The following C6 variants were observed in gnomAD, a reference collection of about 807,000 sequenced individuals.
C6 encodes the protein complement component C6.
In C6, 101 loss-of-function variants were observed where a neutral mutation model predicts 112.9. The observed-to-expected ratio is 0.89, with a 90% CI of 0.76 to 1.06. The LOEUF is 1.06. Among genes scored for constraint, C6 ranks in the 50% least tolerant of loss-of-function variants. C6 has a pLI of 0.00. For missense variants in C6, 1,202 were observed against 1,104.6 expected (o/e 1.09, Z -1.25); for synonymous variants, 431 against 384.1 (o/e 1.12, Z -1.43).
upstream of C6, chr5:41,213,597 C>T (rs1752074181): frequency 1.1e-5 from 11 of 977,044 alleles, no homozygotes; most frequent in South Asian, 4.7e-4. Flanking sequence ...AATGATTACA[C>T]CAATCAGTAG....
At chr5:41,158,848 T>C (rs1392912991) in intron 12 of C6, 63 bp from the exon 13 acceptor site, 6 of 1,049,172 alleles carry the variant, frequency 5.7e-6, no homozygotes, top group Non-Finnish European at 9.0e-6. Context: ...CATGTGTGTA[T>C]ATGCTTATGT....
intron 1 of C6, among the ~76,000 whole-genome samples, chr5:41,248,007 G>A (rs1741126754): frequency 2.6e-5 from 4 of 152,226 alleles, no homozygotes; most frequent in Middle Eastern, 6.8e-3. Flanking sequence ...ACAGAACAGA[G>A]AACCCAGCTT....
At chr5:41,241,542 C>T (rs762925766) in intron 1 of C6, among the ~76,000 whole-genome samples, 5 of 152,012 alleles carry the variant, frequency 3.3e-5, no homozygotes, top group African/African-American at 4.8e-5. Context: ...TCAGAATGGA[C>T]CACAAGCAGC....
At chr5:41,144,546 C>T (rs1745635773) in intron 17 of C6, among the ~76,000 whole-genome samples, 1 of 152,136 alleles carries the variant, frequency 6.6e-6, no homozygotes, top group African/African-American at 2.4e-5. Context: ...GGATTACAGG[C>T]GTGGACCACA....
chr5:41,161,812 C>T lies in C6; in HGVS notation c.1339G>A (p.Gly447Arg), dbSNP rs1282235295. The T allele has an allele frequency of 1.9e-6, 3 of 1,613,668 alleles. No homozygotes were observed. The highest frequency in any genetic ancestry group is 1.3e-5 in the African/African-American group (1 of 75,028). ...AAAGCTGCTCCATATTCACTCCTTC[C>T]ACCTCGAATCAGGGATATGGATTTC... The part of the protein sequence containing the change: ...AEKSISLIRG[G>R]RSEYGAALAW... The change falls in exon 10 of 18, where the codon GGA (glycine) becomes AGA (arginine). Residue 447 changes from glycine to arginine, a missense_variant. Gly to Arg is a moderately radical substitution (Grantham distance 125). Transcript: ENST00000337836.
At chr5:41,228,093 T>C (rs1287570813) in intron 1 of C6, among the ~76,000 whole-genome samples, 1 of 152,140 alleles carries the variant, frequency 6.6e-6, no homozygotes, top group Non-Finnish European at 1.5e-5. Flanking sequence ...ATTCTTCCAA[T>C]TTATAACATG....
intron 17 of C6, among the ~76,000 whole-genome samples, chr5:41,144,345 G>T (rs1745615167): frequency 6.6e-6 from 1 of 151,910 alleles, no homozygotes; most frequent in Non-Finnish European, 1.5e-5. Context: ...ATGGCTCACT[G>T]CACCCTCGAA....
chr5:41,172,998 A>G (rs1748555057), intron 8 of C6, among the ~76,000 whole-genome samples: 2 of 152,064 alleles, frequency 1.3e-5, no homozygotes, highest in African/African-American at 4.8e-5. Context: ...TTCCTGACCT[A>G]TGAATTATTT....
At chr5:41,253,401 C>T (rs145564323) in intron 1 of C6, among the ~76,000 whole-genome samples, 1 of 152,134 alleles carries the variant, frequency 6.6e-6, no homozygotes, top group African/African-American at 2.4e-5. Context: ...CTGTGTAGCT[C>T]TCTCCTTTTT....
chr5:41,178,036 G>C (rs554428546), intron 7 of C6, among the ~76,000 whole-genome samples: 260 of 152,114 alleles, frequency 1.7e-3, no homozygotes, highest in African/African-American at 6.2e-3. Flanking sequence ...TCTCAGTCGT[G>C]GAAAATACAA....
chr5:41,148,280 G>A (rs1380698843), intron 17 of C6, among the ~76,000 whole-genome samples: 1 of 152,108 alleles, frequency 6.6e-6, no homozygotes, highest in African/African-American at 2.4e-5. Context: ...GAATTATGTG[G>A]CCGAATAATA....
intron 1 of C6, among the ~76,000 whole-genome samples, chr5:41,204,873 G>A (rs757997241): frequency 2.0e-4 from 30 of 152,004 alleles, no homozygotes; most frequent in South Asian, 6.2e-4. Context: ...GTTTCACTGC[G>A]TTAGCCAGGG....
chr5:41,142,758 C>T lies in C6; in HGVS notation c.*67G>A, dbSNP rs1745463895. ...AGTCTGCTGTTTGTGCAAGAATTCT[C>T]ATTTGTAGGAGTTGGTTCTTCGGGA... is the stretch of plus-strand genomic sequence containing the variant. On this transcript the variant is annotated 3_prime_UTR_variant, in exon 18 of 18. Coordinates refer to ENST00000337836, the MANE Select transcript of C6 (RefSeq NM_000065.5). 8.1e-7 allele frequency: 1 copy of T among 1,240,534 alleles called. No individual in the cohort carries two copies. The highest frequency in any genetic ancestry group is 1.2e-6 in the Non-Finnish European group (1 of 840,924). 76.8% of individuals were successfully genotyped at this position (1,240,534 alleles called of 1,614,324 possible).
At chr5:41,239,111 CTTTTT>C in intron 1 of C6, among the ~76,000 whole-genome samples, 1 of 121,640 alleles carries the variant, frequency 8.2e-6, no homozygotes, top group Admixed American at 9.1e-5. Context: ...TCTTTTCTTT[CTTTTT>C]TTTTTTTTTT....
At chr5:41,247,719 G>GAAAA (rs376007818) in intron 1 of C6, among the ~76,000 whole-genome samples, 1 of 74,162 alleles carries the variant, frequency 1.3e-5, no homozygotes, top group Admixed American at 1.4e-4. Flanking sequence ...CTCCATCTCA[G>GAAAA]AAAAAAAAAA....
At chr5:41,192,661 T>C (rs1224601948) in intron 5 of C6, among the ~76,000 whole-genome samples, 1 of 152,230 alleles carries the variant, frequency 6.6e-6, no homozygotes, top group Non-Finnish European at 1.5e-5. Flanking sequence ...TTTGTTGGCA[T>C]ATTGCTGTTT....
At chr5:41,233,172 A>G (rs1740015626) in intron 1 of C6, among the ~76,000 whole-genome samples, 1 of 152,100 alleles carries the variant, frequency 6.6e-6, no homozygotes, top group Non-Finnish European at 1.5e-5. Context: ...TGATCTTGGA[A>G]ATTTTAATTA....
chr5:41,160,406 C>T, intron 10 of C6, 39 bp from the exon 11 acceptor site: 1 of 1,516,786 alleles, frequency 6.6e-7, no homozygotes, highest in South Asian at 1.1e-5. Flanking sequence ...AGTCACATCC[C>T]CTTTGGTAAT....
chr5:41,255,397 CA>C (rs1434232881), intron 1 of C6, among the ~76,000 whole-genome samples: 1 of 151,436 alleles, frequency 6.6e-6, no homozygotes, highest in African/African-American at 2.4e-5. Flanking sequence ...CATGGTTACA[CA>C]AGATCCACTT....
Sources: allele counts gnomAD v4.1 joint callset (sites outside exome capture counted in the v4.1 genomes callset), GRCh38; gene constraint gnomAD v4.1.1; transcripts MANE v1.5; gene names NCBI Gene and HGNC (gene_info 2026-07-23, HGNC 2026-07-21).